Variants in DGCR2 observed in about 807,000 individuals in gnomAD.
DGCR2 encodes the protein DiGeorge syndrome critical region gene 2, also known as integral membrane protein DGCR2/IDD.
In DGCR2, 24 loss-of-function variants were observed where a neutral mutation model predicts 51.6. That is an observed-to-expected ratio of 0.47 (90% CI 0.34 to 0.65). DGCR2 has a LOEUF of 0.65. Among genes scored for constraint, DGCR2 ranks in the 30% least tolerant of loss-of-function variants. The probability of loss-of-function intolerance (pLI) is 0.01; values close to 1 mark genes in which losing one functional copy is unlikely to be tolerated. For missense variants in DGCR2, 765 were observed against 772.1 expected (o/e 0.99, Z 0.11); for synonymous variants, 340 against 315.4 (o/e 1.08, Z -0.82).
intron 1 of DGCR2, among the ~76,000 whole-genome samples, chr22:19,097,956 A>T: frequency 6.6e-6 from 1 of 152,168 alleles, no homozygotes; most frequent in East Asian, 1.9e-4. Flanking sequence ...GACCCCAAGG[A>T]TGGCTGTGCT....
intron 9 of DGCR2, 133 bp from the exon 10 acceptor site, chr22:19,039,254 G>T: frequency 1.7e-6 from 2 of 1,167,524 alleles, no homozygotes; most frequent in Non-Finnish European, 2.4e-6. Context: ...AGCAGGACCT[G>T]GGTGGCTCCC....
intron 2 of DGCR2, among the ~76,000 whole-genome samples, chr22:19,077,497 A>C (rs956111020): frequency 2.0e-5 from 3 of 152,208 alleles, no homozygotes; most frequent in Non-Finnish European, 4.4e-5. Context: ...TGACCACTGT[A>C]TGCAAGGACT....
intron 2 of DGCR2, among the ~76,000 whole-genome samples, chr22:19,070,597 G>C (rs1186092089): frequency 6.6e-6 from 1 of 152,244 alleles, no homozygotes; most frequent in African/African-American, 2.4e-5. Flanking sequence ...CCAAAGACCA[G>C]GTTGTTACAT....
At chr22:19,071,937 C>A (rs564432777) in intron 2 of DGCR2, among the ~76,000 whole-genome samples, 1 of 151,980 alleles carries the variant, frequency 6.6e-6, no homozygotes, top group Non-Finnish European at 1.5e-5. Flanking sequence ...GGTAAAGGTG[C>A]GGCAGGACAC....
intron 7 of DGCR2, chr22:19,045,504 T>C (rs140858680): frequency 6.6e-6 from 1 of 152,392 alleles, no homozygotes; most frequent in Non-Finnish European, 1.5e-5. Flanking sequence ...CAGTAACTCA[T>C]ACATTAGGTG....
At chr22:19,053,818 A>G (rs1413343065) in intron 6 of DGCR2, among the ~76,000 whole-genome samples, 1 of 152,246 alleles carries the variant, frequency 6.6e-6, no homozygotes, top group Non-Finnish European at 1.5e-5. Flanking sequence ...ACAATATACA[A>G]GGTTAGATGG....
At chr22:19,083,697 C>CTCCCCA in intron 2 of DGCR2, among the ~76,000 whole-genome samples, 1 of 99,756 alleles carries the variant, frequency 1.0e-5, no homozygotes, top group Non-Finnish European at 2.1e-5. Flanking sequence ...CCTCTCCCCC[C>CTCCCCA]TCCCCCTCCC....
chr22:19,113,079 G>T lies in DGCR2; in HGVS notation c.79+9049C>A, dbSNP rs1601312529. 2.9e-5 allele frequency among the ~76,000 whole-genome samples: 3 copies of T among 103,496 alleles called. No homozygotes were observed. In the South Asian group the frequency reaches 1.2e-3, roughly 41 times the overall value. The allele number at this position is 103,496 out of a possible 152,430, so 67.9% of individuals were successfully genotyped here. A position where few individuals can be genotyped will look rare whatever the true frequency, so the allele number is the denominator to read the frequency against. On this transcript the variant is annotated intron_variant, in intron 1 of 9. Coordinates refer to ENST00000263196, the MANE Select transcript of DGCR2 (RefSeq NM_005137.3). ...CCTGGAACGCTGGATTAGAACTAAAGAAACAGTATGGGCCAGGCACAGTGG... is the reference window on the plus strand; with the variant it reads ...CCTGGAACGCTGGATTAGAACTAAATAAACAGTATGGGCCAGGCACAGTGG...
intron 1 of DGCR2, among the ~76,000 whole-genome samples, chr22:19,105,557 G>A (rs910066881): frequency 6.6e-6 from 1 of 152,190 alleles, no homozygotes; most frequent in African/African-American, 2.4e-5. Flanking sequence ...TGCCCAGTGG[G>A]GAAGGGAGCG....
At chr22:19,047,854 T>C (rs561900928) in intron 7 of DGCR2, 2 of 155,364 alleles carry the variant, frequency 1.3e-5, no homozygotes, top group African/African-American at 4.8e-5. Flanking sequence ...CTACCCTCCA[T>C]ATCATCATAC....
At chr22:19,101,716 G>A (rs998585376) in intron 1 of DGCR2, among the ~76,000 whole-genome samples, 2 of 142,820 alleles carry the variant, frequency 1.4e-5, no homozygotes. Context: ...ACTCCAGCCT[G>A]GGCAACAGGA....
chr22:19,081,287 T>C (rs934836662), intron 2 of DGCR2, among the ~76,000 whole-genome samples: 8 of 152,224 alleles, frequency 5.3e-5, no homozygotes, highest in African/African-American at 1.9e-4. Flanking sequence ...CCTCTGTCTC[T>C]CCACCAGGAA....
intron 2 of DGCR2, among the ~76,000 whole-genome samples, chr22:19,084,367 C>G (rs1235935114): frequency 3.9e-5 from 6 of 152,046 alleles, no homozygotes; most frequent in African/African-American, 1.4e-4. Context: ...CTCTGCCCGG[C>G]CACGACCCCG....
In DGCR2 at chr22:19,041,179, A is replaced by G; in HGVS notation, c.1275T>C (p.His425=). 6.2e-7 allele frequency: 1 copy of G among 1,613,918 alleles called. No individual in the cohort carries two copies. Among genetic ancestry groups the G allele is most frequent in the Non-Finnish European group, 8.5e-7 (1 of 1,179,940 alleles). ...TGTAGGGAGGTGGAGGGTCGTGGAAATGGAAAGTCCCACCCTCTCCGTCGT... is the reference window on the plus strand; with the variant it reads ...TGTAGGGAGGTGGAGGGTCGTGGAAGTGGAAAGTCCCACCCTCTCCGTCGT... ...LSDDGEGGTF[H]FHDPPPPYTA... is the part of the protein sequence containing the mutation. Residue 425 remains histidine (H), a synonymous_variant, in exon 9 of 10, where the codon CAT becomes CAC. Coordinates refer to ENST00000263196, the MANE Select transcript of DGCR2 (RefSeq NM_005137.3).
chr22:19,048,510 C>A lies in DGCR2; in HGVS notation c.936G>T (p.Glu312Asp). 1.2e-6 allele frequency: 2 copies of A among 1,614,220 alleles called. No homozygotes were observed. The highest frequency in any genetic ancestry group is 1.7e-6 in the Non-Finnish European group (2 of 1,180,048). ...EPEMCVAALC[E>D]RPQGCQQYRK... ...GGTACTGTTGGCAGCCCTGGGGCCT[C>A]TCACAGAGAGCAGCCACACACATCT... Residue 312 changes from glutamate to aspartate, a missense_variant, in exon 7 of 10, where the codon GAG (glutamate) becomes GAT (aspartate). Coordinates refer to ENST00000263196, the MANE Select transcript of DGCR2 (RefSeq NM_005137.3).
At chr22:19,080,489 C>T (rs1460230094) in intron 2 of DGCR2, among the ~76,000 whole-genome samples, 3 of 152,182 alleles carry the variant, frequency 2.0e-5, no homozygotes, top group Non-Finnish European at 4.4e-5. Context: ...GCACATCTTC[C>T]TTCAAAACAG....
chr22:19,099,696 C>A (rs1026162526), intron 1 of DGCR2, among the ~76,000 whole-genome samples: 6 of 152,086 alleles, frequency 3.9e-5, no homozygotes, highest in Admixed American at 6.5e-5. Context: ...CTTGGCCAGG[C>A]GTGGTGGCTC....
At chr22:19,092,202 G>GGT (rs890922901) in intron 1 of DGCR2, among the ~76,000 whole-genome samples, 8 of 152,070 alleles carry the variant, frequency 5.3e-5, no homozygotes, top group African/African-American at 1.9e-4. Context: ...AAATTAGCCA[G>GGT]GTGTGGTGGC....
At chr22:19,046,309 A>G (rs1380373206) in intron 7 of DGCR2, 2 of 152,074 alleles carry the variant, frequency 1.3e-5, no homozygotes, top group African/African-American at 4.8e-5. Flanking sequence ...AAAATTTTCA[A>G]TTTTCAACTG....
Sources: allele counts gnomAD v4.1 joint callset (sites outside exome capture counted in the v4.1 genomes callset), GRCh38; gene constraint gnomAD v4.1.1; transcripts MANE v1.5; gene names NCBI Gene and HGNC (gene_info 2026-07-23, HGNC 2026-07-21).